STX8: variants seen among roughly 807,000 people sequenced by gnomAD.
STX8 encodes the protein syntaxin 8, also known as syntaxin-8.
A neutral mutation model predicts 37.5 loss-of-function variants in STX8; 23 were observed. That is an observed-to-expected ratio of 0.61 (90% CI 0.44 to 0.87). The LOEUF (loss-of-function observed/expected upper bound fraction) is 0.87. Among genes scored for constraint, STX8 ranks in the 40% least tolerant of loss-of-function variants. The pLI, the probability that STX8 is intolerant of heterozygous loss-of-function variation, is 0.00. For missense variants in STX8, 313 were observed against 284.7 expected (o/e 1.10, Z -0.71); for synonymous variants, 115 against 99.1 (o/e 1.16, Z -0.95).
chr17:9,562,621 T>C (rs1300621816), intron 2 of STX8, among the ~76,000 whole-genome samples: 1 of 150,924 alleles, frequency 6.6e-6, no homozygotes, highest in Non-Finnish European at 1.5e-5. Context: ...AAAATATATA[T>C]ATATATATAT....
chr17:9,551,888 A>C (rs1460657000), intron 3 of STX8, among the ~76,000 whole-genome samples: 2 of 151,978 alleles, frequency 1.3e-5, no homozygotes, highest in African/African-American at 2.4e-5. Context: ...TGTCCAAAAA[A>C]ACTAGGGGGG....
chr17:9,414,104 A>ACC lies in STX8; in HGVS notation c.542-35452_542-35451insGG, dbSNP rs1597656404. Among the ~76,000 whole-genome samples, 19 of 1,974 alleles carry ACC rather than the reference A, an allele frequency of 9.6e-3. 1 individual carries two copies. Among genetic ancestry groups the ACC allele is most frequent in the African/African-American group, 0.027 (16 of 586 alleles). The allele number at this position is 1,974 out of a possible 152,430, so 1.3% of individuals were successfully genotyped here. On this transcript the variant is annotated intron_variant, in intron 6 of 7. Coordinates refer to ENST00000306357, the MANE Select transcript of STX8 (RefSeq NM_004853.3). ...TGTCCATCCATCCATCCATCCATCC[A>ACC]TCCATCCATCCATCCATCCATCCAA...
chr17:9,294,237 C>T (rs1249858437), intron 7 of STX8, among the ~76,000 whole-genome samples: 2 of 152,098 alleles, frequency 1.3e-5, no homozygotes, highest in Non-Finnish European at 2.9e-5. Context: ...GATGGCGTAA[C>T]ACAAGATAGG....
intron 7 of STX8, among the ~76,000 whole-genome samples, chr17:9,260,764 C>G (rs897687832): frequency 6.6e-6 from 1 of 152,154 alleles, no homozygotes; most frequent in South Asian, 2.1e-4. Flanking sequence ...CACCTGGCAC[C>G]CTCCTCACCC....
Position 9,308,164 on chromosome 17 carries a change from G to A in STX8, c.644-57519C>T, listed in dbSNP as rs576399614. ...GTAGAAATGTGATCAAACAAAGACG[G>A]TGTGATCTAATAGTAATAGACTGAG... On this transcript the variant is annotated intron_variant, in intron 7 of 7. Coordinates refer to ENST00000306357, the MANE Select transcript of STX8 (RefSeq NM_004853.3). 1.4e-3 allele frequency among the ~76,000 whole-genome samples: 212 copies of A among 152,318 alleles called. 1 individual carries two copies. Among genetic ancestry groups the A allele is most frequent in the African/African-American group, 4.6e-3 (190 of 41,572 alleles).
intron 6 of STX8, among the ~76,000 whole-genome samples, chr17:9,471,489 G>A (rs896181075): frequency 6.6e-6 from 1 of 152,072 alleles, no homozygotes; most frequent in Non-Finnish European, 1.5e-5. Flanking sequence ...TGCCAAGGTT[G>A]GCCCTTCCCT....
chr17:9,479,576 A>G (rs1906231953), intron 6 of STX8, among the ~76,000 whole-genome samples: 1 of 148,476 alleles, frequency 6.7e-6, no homozygotes, highest in Non-Finnish European at 1.5e-5. Flanking sequence ...TATATTAAGT[A>G]TATATTCATG....
At chr17:9,288,468 T>C (rs1396046948) in intron 7 of STX8, among the ~76,000 whole-genome samples, 2 of 151,720 alleles carry the variant, frequency 1.3e-5, no homozygotes, top group Admixed American at 6.6e-5. Flanking sequence ...GAGACCATCC[T>C]GGCTAACGCG....
At chr17:9,510,509 T>C (rs1362776387) in intron 4 of STX8, among the ~76,000 whole-genome samples, 1 of 152,088 alleles carries the variant, frequency 6.6e-6, no homozygotes, top group Admixed American at 6.6e-5. Flanking sequence ...AACAACATGC[T>C]CTTGAACAGC....
At chr17:9,494,241 T>C (rs1235203952) in intron 5 of STX8, among the ~76,000 whole-genome samples, 4 of 151,580 alleles carry the variant, frequency 2.6e-5, no homozygotes, top group African/African-American at 4.8e-5. Context: ...GGTCTCGAGC[T>C]CCTGACCTCG....
At position 9,294,116 on chromosome 17, in the gene STX8, G is replaced by A. The variant is rs188615965; in HGVS notation, c.644-43471C>T. Among the ~76,000 whole-genome samples, 8 of 152,250 alleles carry A rather than the reference G, an allele frequency of 5.3e-5. No homozygotes were observed. In the East Asian group the frequency reaches 9.7e-4, roughly 18 times the overall value. On this transcript the variant is annotated intron_variant, in intron 7 of 7. Coordinates refer to ENST00000306357, the MANE Select transcript of STX8 (RefSeq NM_004853.3). ...ATGAAGCAAATGATGAAGATTCCAC[G>A]GCTAGCCTAGAGGTGGCCTAGGGTT... is the stretch of plus-strand genomic sequence containing the variant.
At chr17:9,367,463 C>G (rs1014518832) in intron 7 of STX8, among the ~76,000 whole-genome samples, 3 of 152,170 alleles carry the variant, frequency 2.0e-5, no homozygotes, top group African/African-American at 4.8e-5. Context: ...ACCCTCCAGT[C>G]AGGGCCCCAT....
At chr17:9,422,842 A>C (rs1023809387) in intron 6 of STX8, among the ~76,000 whole-genome samples, 1 of 152,224 alleles carries the variant, frequency 6.6e-6, no homozygotes, top group East Asian at 1.9e-4. Context: ...CGATTTTCCA[A>C]ATCAGCTTGT....
intron 7 of STX8, among the ~76,000 whole-genome samples, chr17:9,325,253 A>G (rs183119561): frequency 6.6e-6 from 1 of 152,342 alleles, no homozygotes. Context: ...ACCCCCTCAT[A>G]AGTCAAAGAG....
intron 7 of STX8, among the ~76,000 whole-genome samples, chr17:9,331,465 T>C (rs1909959412): frequency 6.6e-6 from 1 of 152,050 alleles, no homozygotes; most frequent in Non-Finnish European, 1.5e-5. Flanking sequence ...CTTTAATTTT[T>C]CCCCCTTTTA....
chr17:9,420,545 A>T (rs183482173), intron 6 of STX8, among the ~76,000 whole-genome samples: 104 of 152,232 alleles, frequency 6.8e-4, no homozygotes, highest in Admixed American at 1.5e-3. Context: ...CCTGTTTCTC[A>T]GTCCATAGAC....
chr17:9,499,619 C>T (rs1036886276), intron 5 of STX8, among the ~76,000 whole-genome samples: 4 of 152,144 alleles, frequency 2.6e-5, no homozygotes, highest in African/African-American at 9.7e-5. Flanking sequence ...AGGATGGTCT[C>T]GATCTCTTGA....
At chr17:9,559,457 T>C (rs928546833) in intron 2 of STX8, among the ~76,000 whole-genome samples, 19 of 151,878 alleles carry the variant, frequency 1.3e-4, no homozygotes, top group African/African-American at 4.6e-4. Flanking sequence ...AAGCTCATGG[T>C]GTTAATAATT....
chr17:9,305,185 T>C (rs1456312831), intron 7 of STX8, among the ~76,000 whole-genome samples: 1 of 151,988 alleles, frequency 6.6e-6, no homozygotes, highest in African/African-American at 2.4e-5. Context: ...CTCCACCTCC[T>C]GGGTTCAAGC....
Sources: gnomAD v4.1 joint callset for allele counts (sites outside exome capture counted in the v4.1 genomes callset) on GRCh38, gnomAD v4.1.1 for gene constraint, MANE v1.5 for transcripts, NCBI Gene and HGNC (gene_info 2026-07-23, HGNC 2026-07-21) for gene names.